The following CDH13 variants were observed in gnomAD, a reference collection of about 807,000 sequenced individuals.
CDH13 encodes the protein cadherin 13.
Under a neutral mutation model 63.8 loss-of-function variants are expected in CDH13, and 24 were observed. That is an observed-to-expected ratio of 0.38 (90% CI 0.27 to 0.53). The LOEUF is 0.53. CDH13 is among the 20% of genes least tolerant of loss of function. The pLI, the probability that CDH13 is intolerant of heterozygous loss-of-function variation, is 0.85. For missense variants in CDH13, 1,049 were observed against 903.1 expected (o/e 1.16, Z -2.07); for synonymous variants, 503 against 355.3 (o/e 1.42, Z -4.67).
chr16:83,753,251 C>A (rs1035634001), intron 11 of CDH13, among the ~76,000 whole-genome samples: 3 of 152,140 alleles, frequency 2.0e-5, no homozygotes, highest in African/African-American at 7.2e-5. Context: ...TCTATTAGAT[C>A]AAAGTTAGTA....
intron 1 of CDH13, among the ~76,000 whole-genome samples, chr16:82,686,422 G>A (rs1052302647): frequency 6.6e-6 from 1 of 152,174 alleles, no homozygotes; most frequent in Admixed American, 6.5e-5. Flanking sequence ...AGCTTCCCTT[G>A]TGTGATTGGT....
chr16:83,086,377 T>G (rs1056421013), intron 3 of CDH13, among the ~76,000 whole-genome samples: 1 of 152,202 alleles, frequency 6.6e-6, no homozygotes, highest in African/African-American at 2.4e-5. Flanking sequence ...TGAGACTTAG[T>G]GTTCTAATCT....
At chr16:83,459,672 T>C (rs2073125132) in intron 6 of CDH13, among the ~76,000 whole-genome samples, 1 of 152,244 alleles carries the variant, frequency 6.6e-6, no homozygotes, top group Non-Finnish European at 1.5e-5. Context: ...TTTTGATGGT[T>C]TCATGTAAAT....
In CDH13 at chr16:83,263,310, C is replaced by T. The variant is rs115292516; in HGVS notation, c.636+45813C>T. On this transcript the variant is annotated intron_variant, in intron 5 of 13. Transcript: ENST00000567109. ...GTTGTCTGCTTGCTCCTCAAACATTCGGAACATTTCCAGGATCAGTGAATA... is the reference window on the plus strand; with the variant it reads ...GTTGTCTGCTTGCTCCTCAAACATTTGGAACATTTCCAGGATCAGTGAATA... 6.8e-3 allele frequency among the ~76,000 whole-genome samples: 1,041 copies of T among 152,302 alleles called. 15 individuals carry two copies. The highest frequency in any genetic ancestry group is 0.024 in the African/African-American group (983 of 41,556).
chr16:83,544,171 A>G (rs2075342004), intron 7 of CDH13, among the ~76,000 whole-genome samples: 1 of 152,192 alleles, frequency 6.6e-6, no homozygotes, highest in Middle Eastern at 3.2e-3. Context: ...GAACTATTAC[A>G]GTCCCCACAT....
At chr16:82,633,626 C>G (rs2150871255) in intron 1 of CDH13, among the ~76,000 whole-genome samples, 1 of 152,310 alleles carries the variant, frequency 6.6e-6, no homozygotes, top group Middle Eastern at 3.4e-3. Context: ...ATCCACCTGC[C>G]TCGGCCTCCC....
intron 13 of CDH13, among the ~76,000 whole-genome samples, chr16:83,784,886 T>G (rs990727963): frequency 3.3e-5 from 5 of 152,118 alleles, no homozygotes; most frequent in African/African-American, 1.2e-4. Context: ...CCCTCCTGTC[T>G]CAGGTACTAA....
At chr16:82,878,711 G>C (rs143037667) in intron 2 of CDH13, among the ~76,000 whole-genome samples, 2 of 151,252 alleles carry the variant, frequency 1.3e-5, no homozygotes, top group African/African-American at 4.8e-5. Context: ...CAGTTGGCAG[G>C]GAACTTACAA....
chr16:83,609,508 T>G (rs933140791), intron 8 of CDH13, among the ~76,000 whole-genome samples: 3 of 152,232 alleles, frequency 2.0e-5, no homozygotes, highest in Non-Finnish European at 4.4e-5. Context: ...ATTTAAATCT[T>G]TTTCCAATGT....
intron 7 of CDH13, among the ~76,000 whole-genome samples, chr16:83,514,902 T>C (rs890083518): frequency 6.6e-6 from 1 of 152,166 alleles, no homozygotes; most frequent in Non-Finnish European, 1.5e-5. Context: ...ATTTCTGTTG[T>C]TTTGAGCCCC....
intron 5 of CDH13, among the ~76,000 whole-genome samples, chr16:83,333,446 C>T (rs1464301546): frequency 1.3e-5 from 2 of 152,044 alleles, no homozygotes. Context: ...ATTGCCCAGC[C>T]TCCCCCTGCT....
chr16:82,807,634 T>C (rs1218778438), intron 1 of CDH13, among the ~76,000 whole-genome samples: 6 of 152,198 alleles, frequency 3.9e-5, no homozygotes, highest in African/African-American at 7.2e-5. Context: ...TGCCTCATTG[T>C]GGGTTCAGGG....
At chr16:83,623,869 G>C (rs1022237179) in intron 8 of CDH13, among the ~76,000 whole-genome samples, 13 of 152,224 alleles carry the variant, frequency 8.5e-5, no homozygotes, top group Admixed American at 6.5e-5. Flanking sequence ...GGAAGCCTAA[G>C]ACTAGAGGCT....
chr16:83,200,911 A>C (rs912871852), intron 4 of CDH13, among the ~76,000 whole-genome samples: 1 of 147,192 alleles, frequency 6.8e-6, no homozygotes, highest in African/African-American at 2.5e-5. Context: ...AAGATTCTCT[A>C]GTCTTAAAAA....
chr16:83,599,859 A>G (rs1907614905), intron 7 of CDH13, among the ~76,000 whole-genome samples: 1 of 152,240 alleles, frequency 6.6e-6, no homozygotes, highest in African/African-American at 2.4e-5. Context: ...TATGCAAGAA[A>G]TTAGACCTGT....
intron 7 of CDH13, among the ~76,000 whole-genome samples, chr16:83,497,936 G>T (rs139359034): frequency 2.0e-5 from 3 of 152,258 alleles, no homozygotes; most frequent in African/African-American, 7.2e-5. Flanking sequence ...ATGGGTGATG[G>T]GTCTGATTTC....
chr16:83,226,472 C>T (rs968911497), intron 5 of CDH13, among the ~76,000 whole-genome samples: 1 of 152,274 alleles, frequency 6.6e-6, no homozygotes, highest in African/African-American at 2.4e-5. Flanking sequence ...TTCTCTTCTC[C>T]ACCCCCACAC....
At chr16:83,386,992 C>T (rs2091686848) in intron 6 of CDH13, among the ~76,000 whole-genome samples, 1 of 152,212 alleles carries the variant, frequency 6.6e-6, no homozygotes, top group African/African-American at 2.4e-5. Context: ...CTTTCGCCTA[C>T]ATTTTCTTAG....
At chr16:83,154,108 A>G (rs1367133569) in intron 4 of CDH13, among the ~76,000 whole-genome samples, 1 of 152,144 alleles carries the variant, frequency 6.6e-6, no homozygotes, top group Non-Finnish European at 1.5e-5. Flanking sequence ...TCACAGTCAC[A>G]TGTTCCATTG....
Sources: gnomAD v4.1 joint callset for allele counts (sites outside exome capture counted in the v4.1 genomes callset) on GRCh38, gnomAD v4.1.1 for gene constraint, MANE v1.5 for transcripts, NCBI Gene and HGNC (gene_info 2026-07-23, HGNC 2026-07-21) for gene names.